CTDSPL2: variants seen among roughly 807,000 people sequenced by gnomAD.
CTDSPL2 encodes the protein CTD small phosphatase like 2, also known as CTD small phosphatase-like protein 2.
A neutral mutation model predicts 60.0 loss-of-function variants in CTDSPL2; 5 were observed. The observed-to-expected ratio is 0.08, with a 90% CI of 0.04 to 0.18. The LOEUF (loss-of-function observed/expected upper bound fraction) is 0.18. CTDSPL2 is among the 10% of genes least tolerant of loss of function. The pLI is 1.00. For synonymous variants in CTDSPL2, 186 were observed against 189.3 expected (o/e 0.98, Z 0.14); for missense variants, 370 against 548.8 (o/e 0.67, Z 3.26).
Position 44,525,425 on chromosome 15 carries a change from CG to C in CTDSPL2, c.*1254del. The C allele has an allele frequency of 2.5e-6, 1 of 398,796 alleles. No individual in the cohort carries two copies. Among genetic ancestry groups the C allele is most frequent in the Non-Finnish European group, 4.4e-6 (1 of 225,930 alleles). The allele number at this position is 398,796 out of a possible 1,614,324, so 24.7% of individuals were successfully genotyped here. Reference sequence around the variant, plus strand: ...TTATAGTGGCGTGTAATCTCCTTTTCGGGAGGCTTTTTATGGAAGGTAGAAT... The same window carrying C: ...TTATAGTGGCGTGTAATCTCCTTTTCGGAGGCTTTTTATGGAAGGTAGAAT... On this transcript the variant is annotated 3_prime_UTR_variant, in exon 13 of 13. Coordinates refer to ENST00000260327, the MANE Select transcript of CTDSPL2 (RefSeq NM_016396.3).
At position 44,434,808 on chromosome 15, in the gene CTDSPL2, A is replaced by G. The variant is rs540046521; in HGVS notation, c.-25+7036A>G. On this transcript the variant is annotated intron_variant, in intron 1 of 12. Coordinates refer to ENST00000260327, the MANE Select transcript of CTDSPL2 (RefSeq NM_016396.3). Reference sequence around the variant, plus strand: ...TGTTTTATTTTTTGTATAGTTCTGTATTTTGCCAAATGTTTTTGATAAGTT... The same window carrying G: ...TGTTTTATTTTTTGTATAGTTCTGTGTTTTGCCAAATGTTTTTGATAAGTT... 3.2e-4 allele frequency among the ~76,000 whole-genome samples: 48 copies of G among 152,292 alleles called. No homozygotes were observed. In the South Asian group the frequency reaches 9.5e-3, roughly 30 times the overall value.
At chr15:44,492,305 C>T (rs2081229958) in intron 5 of CTDSPL2, among the ~76,000 whole-genome samples, 1 of 152,064 alleles carries the variant, frequency 6.6e-6, no homozygotes, top group South Asian at 2.1e-4. Flanking sequence ...CACTGCAATC[C>T]AGCCTAGGCA....
rs562193248 is a variant in CTDSPL2, at chr15:44,450,574, A to C, written c.-24-8417A>C. ...ATATTGGAATATGACATGACCATTA[A>C]AAGTTATATTCTTAATTTTTTTTTT... On this transcript the variant is annotated intron_variant, in intron 1 of 12. Coordinates refer to ENST00000260327, the MANE Select transcript of CTDSPL2 (RefSeq NM_016396.3). Among the ~76,000 whole-genome samples the C allele has an allele frequency of 4.2e-5, 6 of 142,764 alleles. No individual in the cohort carries two copies. In the East Asian group the frequency reaches 1.2e-3, roughly 28 times the overall value. The allele number at this position is 142,764 out of a possible 152,430, so 93.7% of individuals were successfully genotyped here.
rs1219647227 is a variant in CTDSPL2, at chr15:44,514,561, T to C, written c.970-37T>C. 4 of 1,250,288 alleles carry C rather than the reference T, an allele frequency of 3.2e-6. No homozygotes were observed. The East Asian group carries it at 9.3e-5, about 29-fold the overall frequency. The allele number at this position is 1,250,288 out of a possible 1,614,324, so 77.4% of individuals were successfully genotyped here. ...TAAAAAGAAGTGGTTTCCCATTGTA[T>C]GTTTATTTGCTGAAACTTATCTTTG... On this transcript the variant is annotated intron_variant, in intron 8 of 12. Coordinates refer to ENST00000260327, the MANE Select transcript of CTDSPL2 (RefSeq NM_016396.3).
At chr15:44,521,770 C>T (rs1051838804) in intron 12 of CTDSPL2, among the ~76,000 whole-genome samples, 1 of 151,068 alleles carries the variant, frequency 6.6e-6, no homozygotes, top group Non-Finnish European at 1.5e-5. Flanking sequence ...AACCCCGTCT[C>T]TACTAAAAAT....
chr15:44,480,884 C>T (rs760355807), intron 2 of CTDSPL2, among the ~76,000 whole-genome samples: 1 of 152,106 alleles, frequency 6.6e-6, no homozygotes, highest in Non-Finnish European at 1.5e-5. Flanking sequence ...TGTAGGATTA[C>T]TGTATTTAGT....
intron 2 of CTDSPL2, among the ~76,000 whole-genome samples, chr15:44,479,856 C>A (rs2080993783): frequency 6.6e-6 from 1 of 152,104 alleles, no homozygotes; most frequent in Non-Finnish European, 1.5e-5. Flanking sequence ...GATTTGATAT[C>A]TATACTTTCT....
intron 7 of CTDSPL2, among the ~76,000 whole-genome samples, chr15:44,498,755 C>T (rs546798051): frequency 4.6e-5 from 7 of 151,974 alleles, no homozygotes; most frequent in East Asian, 1.9e-4. Context: ...AAAAATTAGC[C>T]GGGCGTGGTG....
chr15:44,517,268 T>C (rs1480740934), intron 10 of CTDSPL2: 4 of 149,600 alleles, frequency 2.7e-5, no homozygotes, highest in Admixed American at 2.7e-4. Flanking sequence ...CCCAGCACTT[T>C]GGGAGGCCAA....
intron 2 of CTDSPL2, among the ~76,000 whole-genome samples, chr15:44,468,072 T>A (rs1253861925): frequency 6.6e-6 from 1 of 152,186 alleles, no homozygotes; most frequent in Non-Finnish European, 1.5e-5. Flanking sequence ...TAAAACAAGT[T>A]GAGGACTGTT....
chr15:44,429,860 C>A (rs1415016157), intron 1 of CTDSPL2, among the ~76,000 whole-genome samples: 1 of 151,708 alleles, frequency 6.6e-6, no homozygotes, highest in African/African-American at 2.4e-5. Flanking sequence ...AGCGAGACTC[C>A]GTCTCAAAAA....
intron 2 of CTDSPL2, among the ~76,000 whole-genome samples, chr15:44,476,178 C>G (rs1317017142): frequency 6.6e-6 from 1 of 152,146 alleles, no homozygotes; most frequent in African/African-American, 2.4e-5. Flanking sequence ...ATGCCATTCT[C>G]CTGCCTCATC....
chr15:44,480,432 G>A (rs1263282655), intron 2 of CTDSPL2, among the ~76,000 whole-genome samples: 3 of 152,060 alleles, frequency 2.0e-5, no homozygotes, highest in Admixed American at 6.5e-5. Flanking sequence ...TGAGTGTGGG[G>A]GATACCTTGT....
intron 2 of CTDSPL2, among the ~76,000 whole-genome samples, chr15:44,478,430 C>G (rs1444923687): frequency 2.0e-5 from 2 of 101,944 alleles, no homozygotes; most frequent in South Asian, 3.6e-4. Context: ...TCAGCCTGGG[C>G]AAGAAGAGCA....
At position 44,527,305 on chromosome 15, in the gene CTDSPL2, T is replaced by TA. The variant is rs2081890835; in HGVS notation, c.*3131_*3132insA. ...TTTTTTTCCAAGGGTTAACATAGAA[T>TA]GTTTTTTTTAAAAAATTATCTTTGG... is the stretch of plus-strand genomic sequence containing the variant. On this transcript the variant is annotated 3_prime_UTR_variant, in exon 13 of 13. Coordinates refer to ENST00000260327, the MANE Select transcript of CTDSPL2 (RefSeq NM_016396.3). The TA allele has an allele frequency of 6.6e-6, 1 of 152,486 alleles. No individual in the cohort carries two copies. Among genetic ancestry groups the TA allele is most frequent in the East Asian group, 1.9e-4 (1 of 5,202 alleles). The allele number at this position is 152,486 out of a possible 1,614,324, so 9.4% of individuals were successfully genotyped here.
intron 2 of CTDSPL2, among the ~76,000 whole-genome samples, chr15:44,463,629 G>A (rs530609284): frequency 2.0e-5 from 3 of 152,126 alleles, no homozygotes; most frequent in Non-Finnish European, 4.4e-5. Context: ...AACTAATCCT[G>A]TGTTAGGAGT....
intron 2 of CTDSPL2, among the ~76,000 whole-genome samples, chr15:44,460,951 G>A (rs550052449): frequency 2.0e-5 from 3 of 151,550 alleles, no homozygotes; most frequent in African/African-American, 7.3e-5. Context: ...AGCTTTAGTT[G>A]TCATAAAGTG....
chr15:44,463,314 G>GT (rs2080614008), intron 2 of CTDSPL2, among the ~76,000 whole-genome samples: 1 of 151,532 alleles, frequency 6.6e-6, no homozygotes, highest in Admixed American at 6.6e-5. Flanking sequence ...GCTGATTTTT[G>GT]TATTTTTAGT....
intron 11 of CTDSPL2, chr15:44,520,154 C>CTT (rs56005250): frequency 1.6e-4 from 22 of 141,040 alleles, no homozygotes; most frequent in Non-Finnish European, 2.9e-4. Context: ...TTTTGTTTTC[C>CTT]TTTTTTTTTT....
Sources: gnomAD v4.1 joint callset for allele counts (sites outside exome capture counted in the v4.1 genomes callset) on GRCh38, gnomAD v4.1.1 for gene constraint, MANE v1.5 for transcripts, NCBI Gene and HGNC (gene_info 2026-07-23, HGNC 2026-07-21) for gene names.